Variants in DERL1 observed in about 807,000 individuals in gnomAD.
The protein encoded by DERL1 is derlin 1.
DERL1 carries 24 observed loss-of-function variants against 41.6 expected under a neutral mutation model. That is an observed-to-expected ratio of 0.58 (90% CI 0.42 to 0.81). The LOEUF (loss-of-function observed/expected upper bound fraction) is 0.81, where lower values mean the gene tolerates loss of function less well. Among genes scored for constraint, DERL1 ranks in the 30% least tolerant of loss-of-function variants. The probability of loss-of-function intolerance (pLI) is 0.00; values close to 1 mark genes in which losing one functional copy is unlikely to be tolerated. For synonymous variants in DERL1, 124 were observed against 112.5 expected (o/e 1.10, Z -0.65); for missense variants, 260 against 314.3 (o/e 0.83, Z 1.31).
At chr8:123,027,198 G>A (rs1241411069) in intron 2 of DERL1, among the ~76,000 whole-genome samples, 1 of 150,822 alleles carries the variant, frequency 6.6e-6, no homozygotes, top group Non-Finnish European at 1.5e-5. Flanking sequence ...GGAGGCTGAG[G>A]CATGAGAATT....
chr8:123,030,156 AG>A (rs1425497649), intron 2 of DERL1: 1 of 153,506 alleles, frequency 6.5e-6, no homozygotes, highest in Non-Finnish European at 1.4e-5. Flanking sequence ...TGTATTTTAG[AG>A]TTGAGTTTTT....
chr8:123,042,205 T>G lies in DERL1; in HGVS notation c.-83A>C. 6.8e-7 allele frequency: 1 copy of G among 1,474,428 alleles called. No homozygotes were observed. Among genetic ancestry groups the G allele is most frequent in the Non-Finnish European group, 9.0e-7 (1 of 1,109,092 alleles). The allele number at this position is 1,474,428 out of a possible 1,614,324, so 91.3% of individuals were successfully genotyped here. A position where few individuals can be genotyped will look rare whatever the true frequency, so the allele number is the denominator to read the frequency against. On this transcript the variant is annotated 5_prime_UTR_variant, in exon 1 of 8. Coordinates refer to ENST00000259512, the MANE Select transcript of DERL1 (RefSeq NM_024295.6). ...CTCACGACGCGGCCGGCTCCGCGAC[T>G]GTTAGGTGTCTAGGTGGAAGCCGCC...
chr8:123,022,442 C>A (rs1433599231), intron 5 of DERL1, among the ~76,000 whole-genome samples: 1 of 152,124 alleles, frequency 6.6e-6, no homozygotes, highest in Non-Finnish European at 1.5e-5. Context: ...CACATAAGAT[C>A]ACTCAGGGAC....
rs974957939 is a variant in DERL1, at chr8:123,014,659, A to G, written c.*788T>C. On this transcript the variant is annotated 3_prime_UTR_variant, in exon 8 of 8. Coordinates refer to ENST00000259512, the MANE Select transcript of DERL1 (RefSeq NM_024295.6). ...GAAACGCAAAGGGGTTGCATCCCCC[A>G]TGGTTTAAACCTAACCCATGTTAGC... 4 of 152,284 alleles carry G rather than the reference A, an allele frequency of 2.6e-5. No individual in the cohort carries two copies. The highest frequency in any genetic ancestry group is 9.6e-5 in the African/African-American group (4 of 41,466). The allele number at this position is 152,284 out of a possible 1,614,324, so 9.4% of individuals were successfully genotyped here. A position where few individuals can be genotyped will look rare whatever the true frequency, so the allele number is the denominator to read the frequency against.
At chr8:123,017,849 C>A (rs1337401325) in intron 7 of DERL1, 1 of 152,150 alleles carries the variant, frequency 6.6e-6, no homozygotes, top group African/African-American at 2.4e-5. Context: ...ATCAGAAAGC[C>A]AAACCTGCTG....
chr8:123,019,169 A>T (rs770782961), intron 7 of DERL1, 26 bp downstream of exon 7: 2 of 1,469,580 alleles, frequency 1.4e-6, no homozygotes, highest in South Asian at 1.1e-5. Context: ...GTAAAATGTT[A>T]GATGAGACAG....
intron 2 of DERL1, among the ~76,000 whole-genome samples, chr8:123,027,384 T>TG (rs1409904728): frequency 3.4e-5 from 5 of 148,944 alleles, no homozygotes. Flanking sequence ...TGGCTGCTAA[T>TG]GGTAGGGTTT....
intron 2 of DERL1, among the ~76,000 whole-genome samples, chr8:123,028,063 CAAA>C (rs35730113): frequency 0.032 from 3,201 of 101,190 alleles, 109 homozygotes; most frequent in African/African-American, 0.12. Context: ...AACTGTATCT[CAAA>C]AAAAAAAAAA....
intron 1 of DERL1, among the ~76,000 whole-genome samples, chr8:123,039,707 C>A (rs2891671): frequency 1 from 152,330 of 152,334 alleles, 76,163 homozygotes; most frequent in Non-Finnish European, 1. Context: ...TCTTCACAGG[C>A]TCTGAAACCT....
At chr8:123,017,736 A>G (rs1001499950) in intron 7 of DERL1, 3 of 152,182 alleles carry the variant, frequency 2.0e-5, no homozygotes, top group Non-Finnish European at 2.9e-5. Flanking sequence ...CAAGCCGTTA[A>G]GTTAGAATAT....
chr8:123,024,848 C>A, intron 3 of DERL1, 138 bp downstream of exon 3: 3 of 835,866 alleles, frequency 3.6e-6, no homozygotes, highest in Non-Finnish European at 1.8e-6. Flanking sequence ...TTTTAAAAAA[C>A]TATAATTATT....
At chr8:123,033,921 G>C (rs1451892005) in intron 1 of DERL1, among the ~76,000 whole-genome samples, 1 of 152,176 alleles carries the variant, frequency 6.6e-6, no homozygotes, top group East Asian at 1.9e-4. Flanking sequence ...GCAGCAAAAT[G>C]CTGGCTTTTG....
chr8:123,020,472 C>T (rs1299432873), intron 6 of DERL1, among the ~76,000 whole-genome samples: 1 of 151,656 alleles, frequency 6.6e-6, no homozygotes, highest in East Asian at 1.9e-4. Flanking sequence ...AGAGCCAGAC[C>T]CCATCTTGAA....
chr8:123,030,826 A>G, intron 1 of DERL1, 110 bp from the exon 2 acceptor site: 8 of 732,212 alleles, frequency 1.1e-5, no homozygotes. Flanking sequence ...GAGGTGTGAA[A>G]GTGATCCTAC....
In DERL1 at chr8:123,022,741, G is replaced by A; in HGVS notation, c.396C>T (p.Val132=). ...TCATGTCTCTGTTCAGCTGGGCCCAGACATAAAGTACTGACATGATCAGAG... is the reference window on the plus strand; with the variant it reads ...TCATGTCTCTGTTCAGCTGGGCCCAAACATAAAGTACTGACATGATCAGAG... ...MIPLIMSVLY[V]WAQLNRDMIV... is the part of the protein sequence containing the mutation. Residue 132 remains valine (V), a synonymous_variant, in exon 5 of 8, where the codon GTC becomes GTT. Coordinates refer to ENST00000259512, the MANE Select transcript of DERL1 (RefSeq NM_024295.6). The A allele has an allele frequency of 6.2e-7, 1 of 1,614,108 alleles. No individual in the cohort carries two copies. The highest frequency in any genetic ancestry group is 1.1e-5 in the South Asian group (1 of 91,080).
In DERL1 at chr8:123,015,481, T is replaced by C. The variant is rs1456575352; in HGVS notation, c.722A>G (p.Asn241Ser). Residue 241 changes from asparagine (N) to serine (S), a missense_variant, in exon 8 of 8, where the codon AAC becomes AGC. By Grantham distance (46) the Asn-to-Ser change is conservative. Transcript: ENST00000259512. ...TCCAAGTCGAAAGCCCTGGCCCCAGTTGTGTCTCCCGCCTCCGCCATTCTG... is the reference window on the plus strand; with the variant it reads ...TCCAAGTCGAAAGCCCTGGCCCCAGCTGTGTCTCCCGCCTCCGCCATTCTG... ...ADQNGGGGRH[N>S]WGQGFRLGDQ 5.0e-6 allele frequency: 8 copies of C among 1,613,638 alleles called. No homozygotes were observed. Among genetic ancestry groups the C allele is most frequent in the Non-Finnish European group, 5.9e-6 (7 of 1,179,848 alleles).
intron 4 of DERL1, 68 bp from the exon 5 acceptor site, chr8:123,022,847 G>A (rs1812597416): frequency 7.8e-7 from 1 of 1,275,798 alleles, no homozygotes; most frequent in East Asian, 2.3e-5. Flanking sequence ...CATCTACTAT[G>A]CTTTTTACCC....
At chr8:123,029,850 A>T (rs1812783444) in intron 2 of DERL1, among the ~76,000 whole-genome samples, 1 of 152,174 alleles carries the variant, frequency 6.6e-6, no homozygotes, top group Non-Finnish European at 1.5e-5. Context: ...ACTTGAGGTC[A>T]GGAGTTTGAG....
At chr8:123,033,465 C>A (rs890956822) in intron 1 of DERL1, among the ~76,000 whole-genome samples, 4 of 152,056 alleles carry the variant, frequency 2.6e-5, no homozygotes, top group African/African-American at 9.7e-5. Flanking sequence ...GAGCTTCGGC[C>A]GGGAGTAGTG....
Sources: allele counts gnomAD v4.1 joint callset (sites outside exome capture counted in the v4.1 genomes callset), GRCh38; gene constraint gnomAD v4.1.1; transcripts MANE v1.5; gene names NCBI Gene and HGNC (gene_info 2026-07-23, HGNC 2026-07-21).